Variants in KCTD16 observed in about 807,000 individuals in gnomAD.
KCTD16 encodes the protein BTB/POZ domain-containing protein KCTD16.
A neutral mutation model predicts 33.2 loss-of-function variants in KCTD16; 13 were observed. The ratio of observed to expected loss-of-function variants is 0.39; its 90% confidence interval spans 0.25 to 0.62. KCTD16 has a LOEUF of 0.62. KCTD16 is among the 20% of genes least tolerant of loss of function. The probability of loss-of-function intolerance (pLI) is 0.50; values close to 1 mark genes in which losing one functional copy is unlikely to be tolerated. For missense variants in KCTD16, 441 were observed against 525.1 expected, an observed-to-expected ratio of 0.84 and a Z score of 1.57; for synonymous variants, 197 against 195.3, an observed-to-expected ratio of 1.01 and a Z score of -0.07.
intron 3 of KCTD16, among the ~76,000 whole-genome samples, chr5:144,273,680 A>T (rs900567124): frequency 6.6e-6 from 1 of 151,868 alleles, no homozygotes; most frequent in African/African-American, 2.4e-5. Context: ...TCACAAAAAG[A>T]CAAATACTTT....
chr5:144,462,568 TAAA>T (rs11285229), intron 3 of KCTD16, among the ~76,000 whole-genome samples: 1 of 138,738 alleles, frequency 7.2e-6, no homozygotes, highest in Non-Finnish European at 1.6e-5. Context: ...TTTGGTTTCT[TAAA>T]AAAAAAAAAA....
At chr5:144,444,916 A>G (rs1170393395) in intron 3 of KCTD16, among the ~76,000 whole-genome samples, 3 of 149,636 alleles carry the variant, frequency 2.0e-5, no homozygotes, top group Non-Finnish European at 3.0e-5. Flanking sequence ...TATATAATAT[A>G]CAATTCTAGT....
At chr5:144,269,604 T>C (rs1755239942) in intron 3 of KCTD16, among the ~76,000 whole-genome samples, 1 of 152,024 alleles carries the variant, frequency 6.6e-6, no homozygotes, top group African/African-American at 2.4e-5. Flanking sequence ...AAGGGAGCCC[T>C]GCAAAGTGAA....
chr5:144,287,385 C>T (rs949014354), intron 3 of KCTD16, among the ~76,000 whole-genome samples: 4 of 152,190 alleles, frequency 2.6e-5, no homozygotes, highest in African/African-American at 7.2e-5. Context: ...GCCAATTGAT[C>T]GTTATGCTCC....
rs1421645 is a variant in KCTD16, at chr5:144,236,118, A to T, written c.832+28572A>T. Among the ~76,000 whole-genome samples, 524 of 152,266 alleles carry T rather than the reference A, an allele frequency of 3.4e-3. 4 individuals carry two copies. Among genetic ancestry groups the T allele is most frequent in the African/African-American group, 0.012 (491 of 41,568 alleles). Reference sequence around the variant, plus strand: ...TGCTAGGAACTGTTAGATGCTGAAGATAGATAAAAAAATTGTCTCTGTTCA... The same window carrying T: ...TGCTAGGAACTGTTAGATGCTGAAGTTAGATAAAAAAATTGTCTCTGTTCA... On this transcript the variant is annotated intron_variant, in intron 3 of 3. Coordinates refer to ENST00000512467, the MANE Select transcript of KCTD16 (RefSeq NM_020768.4).
Position 144,481,280 on chromosome 5 carries a change from G to A in KCTD16, c.*7166G>A, listed in dbSNP as rs1754699603. On this transcript the variant is annotated 3_prime_UTR_variant, in exon 4 of 4. Transcript: ENST00000512467. ...GCTCTCAGAAATGAAACTAGTAAGG[G>A]GGAGAAAGTGTTTTGAGCAGGCCAA... 1 of 151,948 alleles carries A rather than the reference G, an allele frequency of 6.6e-6. No homozygotes were observed. The highest frequency in any genetic ancestry group is 2.4e-5 in the African/African-American group (1 of 41,398). The allele number at this position is 151,948 out of a possible 1,614,324, so 9.4% of individuals were successfully genotyped here.
chr5:144,366,437 C>G (rs977495394), intron 3 of KCTD16, among the ~76,000 whole-genome samples: 1 of 152,172 alleles, frequency 6.6e-6, no homozygotes, highest in African/African-American at 2.4e-5. Flanking sequence ...GCTGTAAAGA[C>G]AGCATAAAGT....
At chr5:144,224,753 G>T (rs577708414) in intron 3 of KCTD16, among the ~76,000 whole-genome samples, 7 of 152,194 alleles carry the variant, frequency 4.6e-5, no homozygotes, top group Admixed American at 3.9e-4. Context: ...GTATGCTATG[G>T]TATATATTTA....
intron 3 of KCTD16, among the ~76,000 whole-genome samples, chr5:144,271,655 G>A (rs1180552071): frequency 6.6e-6 from 1 of 151,900 alleles, no homozygotes; most frequent in Non-Finnish European, 1.5e-5. Flanking sequence ...AGCCAGAGCA[G>A]TTAGGTGAGA....
intron 3 of KCTD16, among the ~76,000 whole-genome samples, chr5:144,256,661 G>A (rs1312138568): frequency 6.6e-6 from 1 of 151,088 alleles, no homozygotes; most frequent in South Asian, 2.1e-4. Context: ...TTCCCCTGGG[G>A]CTAGCCCGAG....
intron 3 of KCTD16, among the ~76,000 whole-genome samples, chr5:144,420,558 A>G (rs1431235420): frequency 5.3e-5 from 8 of 152,032 alleles, no homozygotes; most frequent in Non-Finnish European, 1.2e-4. Flanking sequence ...TTTACTCTTC[A>G]GAGGCCATGG....
rs539419134 is a variant in KCTD16, at chr5:144,461,841, A to T, written c.833-11819A>T. ...GAACACACTATTTTGAATGTCTCATACAATATTTATGGGTCTTTTTTCCCT... is the reference window on the plus strand; with the variant it reads ...GAACACACTATTTTGAATGTCTCATTCAATATTTATGGGTCTTTTTTCCCT... On this transcript the variant is annotated intron_variant, in intron 3 of 3. Transcript: ENST00000512467. Among the ~76,000 whole-genome samples the T allele has an allele frequency of 2.0e-5, 3 of 152,304 alleles. No homozygotes were observed. In the East Asian group the frequency reaches 5.8e-4, roughly 29 times the overall value.
chr5:144,340,680 G>A (rs538744558), intron 3 of KCTD16, among the ~76,000 whole-genome samples: 40 of 152,198 alleles, frequency 2.6e-4, no homozygotes, highest in African/African-American at 8.7e-4. Context: ...AAAAGACACC[G>A]GAACTTCTCT....
chr5:144,337,364 C>A (rs1366705519), intron 3 of KCTD16, among the ~76,000 whole-genome samples: 1 of 151,970 alleles, frequency 6.6e-6, no homozygotes, highest in Non-Finnish European at 1.5e-5. Context: ...TGTGAACGTG[C>A]CAATTTCACA....
intron 3 of KCTD16, among the ~76,000 whole-genome samples, chr5:144,436,134 G>T (rs1270014133): frequency 6.6e-6 from 1 of 152,184 alleles, no homozygotes; most frequent in African/African-American, 2.4e-5. Flanking sequence ...ACTACAAGGT[G>T]GAAGCTGTCC....
chr5:144,350,994 C>A (rs890875832), intron 3 of KCTD16, among the ~76,000 whole-genome samples: 1 of 152,030 alleles, frequency 6.6e-6, no homozygotes, highest in African/African-American at 2.4e-5. Context: ...AAGAAAATTG[C>A]ATTTTAACTC....
chr5:144,390,639 T>C (rs755149367), intron 3 of KCTD16, among the ~76,000 whole-genome samples: 4 of 152,112 alleles, frequency 2.6e-5, no homozygotes, highest in Admixed American at 2.6e-4. Context: ...CAACCTGTCA[T>C]CTACATTAGG....
At chr5:144,346,829 A>G (rs1379572033) in intron 3 of KCTD16, among the ~76,000 whole-genome samples, 1 of 151,954 alleles carries the variant, frequency 6.6e-6, no homozygotes, top group African/African-American at 2.4e-5. Context: ...TGTTGATTGT[A>G]TCCTTTGTTG....
At chr5:144,311,771 C>T (rs180930761) in intron 3 of KCTD16, among the ~76,000 whole-genome samples, 89 of 152,130 alleles carry the variant, frequency 5.9e-4, no homozygotes, top group African/African-American at 1.0e-3. Context: ...AGTAGCAAAA[C>T]GATACTTTAT....
Sources: gnomAD v4.1 joint callset for allele counts (sites outside exome capture counted in the v4.1 genomes callset) on GRCh38, gnomAD v4.1.1 for gene constraint, MANE v1.5 for transcripts, NCBI Gene and HGNC (gene_info 2026-07-23, HGNC 2026-07-21) for gene names.